REEP1: variants seen among roughly 807,000 people sequenced by gnomAD.
REEP1 encodes receptor expression-enhancing protein 1.
In REEP1, 22 loss-of-function variants were observed where a neutral mutation model predicts 40.3. That is an observed-to-expected ratio of 0.55 (90% CI 0.39 to 0.78). The LOEUF is 0.78. Among genes scored for constraint, REEP1 ranks in the 30% least tolerant of loss-of-function variants. The pLI is 0.00. For synonymous variants in REEP1, 116 were observed against 139.2 expected, an observed-to-expected ratio of 0.83 and a Z score of 1.17; for missense variants, 280 against 361.1, an observed-to-expected ratio of 0.78 and a Z score of 1.82.
At chr2:86,235,560 G>T (rs1412420337) in intron 5 of REEP1, among the ~76,000 whole-genome samples, 2 of 152,248 alleles carry the variant, frequency 1.3e-5, no homozygotes, top group Admixed American at 6.5e-5. Flanking sequence ...GCTATTGAAA[G>T]CAGAGGTGGA....
intron 1 of REEP1, among the ~76,000 whole-genome samples, chr2:86,301,687 C>T (rs896640945): frequency 3.9e-5 from 6 of 152,184 alleles, no homozygotes; most frequent in Non-Finnish European, 5.9e-5. Flanking sequence ...CACATATGAT[C>T]AGTTGGAAAA....
At position 86,232,626 on chromosome 2, in the gene REEP1, T is replaced by C. The variant is rs151242809; in HGVS notation, c.594A>G (p.Ser198=). The C allele has an allele frequency of 6.2e-7, 1 of 1,612,622 alleles. No individual in the cohort carries two copies. Among genetic ancestry groups the C allele is most frequent in the Non-Finnish European group, 8.5e-7 (1 of 1,179,986 alleles). The change falls in exon 6 of 9, where the codon TCA becomes TCG. Residue 198 remains serine (S), a splice_region_variant and synonymous_variant. Coordinates refer to ENST00000538924, the MANE Select transcript of REEP1 (RefSeq NM_001371279.1). ...SRSASESASS[S]VCTCCSTCRT... ...GAGGGGAAGTAAAGTGACACCTACCTGAGCTGCTAGCGCTCTCAGAAGCAC... is the reference window on the plus strand; with the variant it reads ...GAGGGGAAGTAAAGTGACACCTACCCGAGCTGCTAGCGCTCTCAGAAGCAC...
chr2:86,309,291 C>G lies in REEP1; in HGVS notation c.33-27049G>C, dbSNP rs78837886. Among the ~76,000 whole-genome samples, 63 of 152,362 alleles carry G rather than the reference C, an allele frequency of 4.1e-4. No individual in the cohort carries two copies. The East Asian group carries it at 6.9e-3, about 17-fold the overall frequency. ...TCTTTCACACATTTTGGTTTCACCT[C>G]CTCACTGTATTTCACCTGACTGGCA... is the stretch of plus-strand genomic sequence containing the variant. On this transcript the variant is annotated intron_variant, in intron 1 of 8. Coordinates refer to ENST00000538924, the MANE Select transcript of REEP1 (RefSeq NM_001371279.1).
At chr2:86,324,674 G>A (rs2104524247) in intron 1 of REEP1, among the ~76,000 whole-genome samples, 1 of 152,212 alleles carries the variant, frequency 6.6e-6, no homozygotes, top group East Asian at 1.9e-4. Context: ...AGTGATCAAT[G>A]ACACAGGATA....
intron 1 of REEP1, among the ~76,000 whole-genome samples, chr2:86,316,577 G>A (rs1362823410): frequency 4.2e-5 from 6 of 141,506 alleles, no homozygotes; most frequent in Admixed American, 2.2e-4. Flanking sequence ...AAATCAAAAG[G>A]GCCAGGCGTG....
chr2:86,251,729 G>A (rs1032566660), intron 5 of REEP1: 23 of 579,580 alleles, frequency 4.0e-5, no homozygotes, highest in Middle Eastern at 4.6e-4. Flanking sequence ...AGCTTCAGGG[G>A]CTCTGGGAAC....
At chr2:86,285,889 A>G (rs1678363105) in intron 1 of REEP1, among the ~76,000 whole-genome samples, 1 of 152,188 alleles carries the variant, frequency 6.6e-6, no homozygotes, top group African/African-American at 2.4e-5. Flanking sequence ...AAGCTCCTTT[A>G]ATGCTCAAGC....
intron 8 of REEP1, among the ~76,000 whole-genome samples, chr2:86,219,302 A>T (rs1674288534): frequency 6.6e-6 from 1 of 152,142 alleles, no homozygotes; most frequent in African/African-American, 2.4e-5. Context: ...CAAATAACAC[A>T]TTCTGAGTTT....
Position 86,263,960 on chromosome 2 carries a change from C to A in REEP1, c.182+5G>T, listed in dbSNP as rs766166355. 1 of 1,608,648 alleles carries A rather than the reference C, an allele frequency of 6.2e-7. No homozygotes were observed. The highest frequency in any genetic ancestry group is 1.3e-5 in the African/African-American group (1 of 74,896). Reference sequence around the variant, plus strand: ...TAGAAACATCCCAACTCCTGGAGTACTTACCAACAAAGGAAGATGTCTGTG... The same window carrying A: ...TAGAAACATCCCAACTCCTGGAGTAATTACCAACAAAGGAAGATGTCTGTG... On this transcript the variant is annotated splice_donor_5th_base_variant and intron_variant, in intron 3 of 8. Transcript: ENST00000538924.
chr2:86,289,218 G>T (rs1678567526), intron 1 of REEP1, among the ~76,000 whole-genome samples: 1 of 151,932 alleles, frequency 6.6e-6, no homozygotes, highest in African/African-American at 2.4e-5. Context: ...ATTTGGAATT[G>T]ATCTTTATGT....
intron 3 of REEP1, 92 bp downstream of exon 3, chr2:86,263,873 G>C (rs996009863): frequency 4.3e-6 from 4 of 921,000 alleles, no homozygotes; most frequent in Admixed American, 3.4e-5. Context: ...CTGAGGTGAG[G>C]TTTGAGGCTG....
At chr2:86,323,021 G>A (rs1680342289) in intron 1 of REEP1, among the ~76,000 whole-genome samples, 1 of 152,078 alleles carries the variant, frequency 6.6e-6, no homozygotes, top group Non-Finnish European at 1.5e-5. Flanking sequence ...AACACAGTGA[G>A]ACAATGTCTC....
At chr2:86,257,165 C>T (rs1306726386) in intron 3 of REEP1, among the ~76,000 whole-genome samples, 7 of 152,104 alleles carry the variant, frequency 4.6e-5, no homozygotes, top group South Asian at 2.1e-4. Context: ...TGATTAATAA[C>T]GGAGGAACTT....
At chr2:86,292,882 A>G (rs1201783143) in intron 1 of REEP1, among the ~76,000 whole-genome samples, 2 of 152,106 alleles carry the variant, frequency 1.3e-5, no homozygotes, top group Non-Finnish European at 2.9e-5. Flanking sequence ...GGGCCCAGCC[A>G]ACTTTGAGTG....
At chr2:86,320,784 T>C (rs1193080695) in intron 1 of REEP1, among the ~76,000 whole-genome samples, 1 of 152,222 alleles carries the variant, frequency 6.6e-6, no homozygotes, top group East Asian at 1.9e-4. Context: ...CAATTATTCA[T>C]AATGCAGCAG....
At position 86,273,312 on chromosome 2, in the gene REEP1, G is replaced by T. The variant is rs1342965871; in HGVS notation, c.105+8858C>A. On this transcript the variant is annotated intron_variant, in intron 2 of 8. Coordinates refer to ENST00000538924, the MANE Select transcript of REEP1 (RefSeq NM_001371279.1). ...TTTTTTTTTTTTTGAGGGGGACAGG[G>T]TCTCGCTTGTCATCCAAGCTGAAGT... 4.2e-4 allele frequency among the ~76,000 whole-genome samples: 63 copies of T among 149,172 alleles called. 1 individual carries two copies. Among genetic ancestry groups the T allele is most frequent in the Admixed American group, 3.7e-3 (55 of 15,034 alleles).
Position 86,215,013 on chromosome 2 carries a change from G to A in REEP1, c.*2026C>T, listed in dbSNP as rs1490583875. On this transcript the variant is annotated 3_prime_UTR_variant, in exon 9 of 9. Coordinates refer to ENST00000538924, the MANE Select transcript of REEP1 (RefSeq NM_001371279.1). ...GCAAAAAAAAAAAAATTGCTAAGAA[G>A]CTGTGTAAGCTTTTTTTTTTTTTTT... 1 of 133,084 alleles carries A rather than the reference G, an allele frequency of 7.5e-6. No homozygotes were observed. Among genetic ancestry groups the A allele is most frequent in the Non-Finnish European group, 1.6e-5 (1 of 62,744 alleles). The allele number at this position is 133,084 out of a possible 1,614,324, so 8.2% of individuals were successfully genotyped here.
intron 1 of REEP1, among the ~76,000 whole-genome samples, chr2:86,330,414 GGTGT>G (rs55660803): frequency 0.068 from 8,693 of 127,734 alleles, 342 homozygotes; most frequent in African/African-American, 0.11. Context: ...AGTGAATCCT[GGTGT>G]GTGTGTGTGT....
At chr2:86,325,454 T>C (rs4392258) in intron 1 of REEP1, among the ~76,000 whole-genome samples, 94,627 of 151,992 alleles carry the variant, frequency 0.62, 30,588 homozygotes, top group African/African-American at 0.81. Flanking sequence ...CCTTATAAGG[T>C]AAAAGGGACT....
Sources: gnomAD v4.1 joint callset for allele counts (sites outside exome capture counted in the v4.1 genomes callset) on GRCh38, gnomAD v4.1.1 for gene constraint, MANE v1.5 for transcripts, NCBI Gene and HGNC (gene_info 2026-07-23, HGNC 2026-07-21) for gene names.